Variants in ACACB observed in about 807,000 individuals in gnomAD.
ACACB encodes acetyl-CoA carboxylase beta.
ACACB carries 209 observed loss-of-function variants against 278.8 expected under a neutral mutation model. That is an observed-to-expected ratio of 0.75 (90% CI 0.67 to 0.84). The LOEUF (loss-of-function observed/expected upper bound fraction) is 0.84. ACACB is among the 40% of genes least tolerant of loss of function. The pLI is 0.00. For missense variants in ACACB, 2,850 were observed against 3,269.0 expected (o/e 0.87, Z 3.13); for synonymous variants, 1,174 against 1,285.6 (o/e 0.91, Z 1.86).
At chr12:109,179,426 TC>T in intron 10 of ACACB, 129 bp downstream of exon 10, 1 of 913,984 alleles carries the variant, frequency 1.1e-6, no homozygotes, top group Non-Finnish European at 1.7e-6. Context: ...GAGGGCCCAT[TC>T]CAGAGGTGAT....
chr12:109,244,461 G>A (rs2046886472), intron 37 of ACACB, among the ~76,000 whole-genome samples: 1 of 152,202 alleles, frequency 6.6e-6, no homozygotes, highest in Non-Finnish European at 1.5e-5. Flanking sequence ...CGCTTAATAA[G>A]TGGAAACTTA....
At chr12:109,152,713 T>C (rs540402362) in intron 2 of ACACB, among the ~76,000 whole-genome samples, 33 of 141,266 alleles carry the variant, frequency 2.3e-4, no homozygotes, top group Non-Finnish European at 4.4e-4. Flanking sequence ...AGCGAGATCA[T>C]GGCTCACTGC....
chr12:109,212,387 T>G (rs2045874550), intron 21 of ACACB, among the ~76,000 whole-genome samples: 1 of 152,148 alleles, frequency 6.6e-6, no homozygotes, highest in Non-Finnish European at 1.5e-5. Context: ...GATTACATTG[T>G]AATATATAAT....
intron 16 of ACACB, 53 bp downstream of exon 16, chr12:109,193,782 A>T: frequency 1.3e-6 from 2 of 1,499,478 alleles, no homozygotes; most frequent in Non-Finnish European, 9.3e-7. Flanking sequence ...AGCTTCAGGG[A>T]GTTTCTTTCT....
chr12:109,176,057 T>C lies in ACACB; in HGVS notation c.1326+17T>C, dbSNP rs754910368. The C allele has an allele frequency of 2.3e-5, 37 of 1,613,498 alleles. No homozygotes were observed. Among genetic ancestry groups the C allele is most frequent in the Non-Finnish European group, 3.0e-5 (35 of 1,179,520 alleles). On this transcript the variant is annotated intron_variant, in intron 8 of 52. Transcript: ENST00000338432. ...GGCTTGGAGGTAAATGCAGAGCCTG[T>C]GGGGGCCAGGGGAGCCAGAACCGAA...
At chr12:109,210,098 T>TATATATACACAC (rs1368464864) in intron 21 of ACACB, among the ~76,000 whole-genome samples, 10 of 107,540 alleles carry the variant, frequency 9.3e-5, no homozygotes, top group African/African-American at 4.5e-4. Context: ...TACACACATG[T>TATATATACACAC]GTGTGTATAT....
chr12:109,234,935 GA>G (rs71443847), intron 31 of ACACB, among the ~76,000 whole-genome samples: 66 of 150,918 alleles, frequency 4.4e-4, no homozygotes, highest in African/African-American at 1.5e-3. Context: ...GAAGAAATAA[GA>G]AAAAAAGTGT....
At chr12:109,186,517 G>C (rs2044668085) in intron 12 of ACACB, among the ~76,000 whole-genome samples, 1 of 152,130 alleles carries the variant, frequency 6.6e-6, no homozygotes, top group African/African-American at 2.4e-5. Flanking sequence ...GCTCATTGTA[G>C]AGAGTCCCTT....
Position 109,197,119 on chromosome 12 carries a change from A to G in ACACB, c.2593A>G (p.Ser865Gly), listed in dbSNP as rs1441879635. ...GGLLLSYNGN[S>G]YTTYMKEEVD... The stretch of plus-strand genomic sequence containing the variant: ...GCTCCTGCTCTCCTACAATGGGAAC[A>G]GCTACACCACCTACATGAAGGAAGA... Residue 865 changes from serine (S) to glycine (G), a missense_variant, in exon 17 of 53, where the codon AGC (serine) becomes GGC (glycine). By Grantham distance (56) the Ser-to-Gly change is moderately conservative (BLOSUM62 0). Around this residue, in one of 3 missense-constraint regions of ACACB, gnomAD observed 2,265 missense variants for 2,561.3 expected, o/e 0.88. Transcript: ENST00000338432. The G allele has an allele frequency of 6.2e-7, 1 of 1,605,182 alleles. No homozygotes were observed. Among genetic ancestry groups the G allele is most frequent in the African/African-American group, 1.3e-5 (1 of 74,368 alleles).
At chr12:109,142,177 A>G (rs564557461) in intron 2 of ACACB, among the ~76,000 whole-genome samples, 43 of 152,270 alleles carry the variant, frequency 2.8e-4, no homozygotes, top group African/African-American at 9.9e-4. Flanking sequence ...TGAGCCCAGA[A>G]GTTTGTGGTT....
chr12:109,174,098 G>T, intron 6 of ACACB, 34 bp from the exon 7 acceptor site: 1 of 1,577,216 alleles, frequency 6.3e-7, no homozygotes, highest in South Asian at 1.2e-5. Flanking sequence ...TGACTGACCG[G>T]ATTCTGCTTC....
chr12:109,246,527 A>G, intron 39 of ACACB, 79 bp downstream of exon 39: 1 of 1,534,366 alleles, frequency 6.5e-7, no homozygotes, highest in Non-Finnish European at 8.8e-7. Context: ...AGCACCTGCA[A>G]GAGGTGAAAA....
intron 2 of ACACB, among the ~76,000 whole-genome samples, chr12:109,155,817 T>C (rs963798048): frequency 6.6e-6 from 1 of 152,138 alleles, no homozygotes; most frequent in Non-Finnish European, 1.5e-5. Flanking sequence ...GAAAATTACA[T>C]GAAATTCAAA....
chr12:109,234,573 T>C (rs535040627), intron 31 of ACACB, among the ~76,000 whole-genome samples: 1 of 152,218 alleles, frequency 6.6e-6, no homozygotes, highest in South Asian at 2.1e-4. Context: ...GAGACATCAT[T>C]GACATACTAC....
Position 109,139,487 on chromosome 12 carries a change from G to T in ACACB, c.82G>T (p.Asp28Tyr). 6.2e-7 allele frequency: 1 copy of T among 1,614,094 alleles called. No homozygotes were observed. Among genetic ancestry groups the T allele is most frequent in the Non-Finnish European group, 8.5e-7 (1 of 1,180,018 alleles). Reference protein sequence around the residue: ...SWLKIWGKMTDSKPITKSKSE... With the variant: ...SWLKIWGKMTYSKPITKSKSE... ...GTTAAAAATCTGGGGGAAAATGACGGACTCCAAGCCGATCACCAAGAGTAA... is the reference window on the plus strand; with the variant it reads ...GTTAAAAATCTGGGGGAAAATGACGTACTCCAAGCCGATCACCAAGAGTAA... The change falls in exon 2 of 53, where the codon GAC (aspartate) becomes TAC (tyrosine). Residue 28 changes from aspartate (D) to tyrosine (Y), a missense_variant. By Grantham distance (160) the Asp-to-Tyr change is radical. Around this residue, in one of 3 missense-constraint regions of ACACB, gnomAD observed 2,265 missense variants for 2,561.3 expected, o/e 0.88. Coordinates refer to ENST00000338432, the MANE Select transcript of ACACB (RefSeq NM_001093.4).
intron 44 of ACACB, 32 bp downstream of exon 44, chr12:109,254,366 G>C (rs773798551): frequency 3.8e-6 from 6 of 1,579,102 alleles, no homozygotes; most frequent in East Asian, 2.3e-5. Flanking sequence ...CTAGGACCTG[G>C]TCTCGGGTTT....
chr12:109,211,211 A>G (rs2045837289), intron 21 of ACACB, among the ~76,000 whole-genome samples: 1 of 152,052 alleles, frequency 6.6e-6, no homozygotes, highest in Admixed American at 6.6e-5. Context: ...CTCGGAGGTT[A>G]GGAGTTCTAT....
intron 24 of ACACB, among the ~76,000 whole-genome samples, chr12:109,217,453 G>C (rs1238044137): frequency 1.3e-5 from 2 of 152,080 alleles, no homozygotes; most frequent in Non-Finnish European, 2.9e-5. Flanking sequence ...GATCACTTGA[G>C]CCTAGGAGTT....
chr12:109,232,269 A>T (rs1284833944), intron 28 of ACACB, among the ~76,000 whole-genome samples: 1 of 152,216 alleles, frequency 6.6e-6, no homozygotes, highest in Non-Finnish European at 1.5e-5. Flanking sequence ...CAGGGAGCAG[A>T]GGACTGGAGT....
Sources: gnomAD v4.1 joint callset for allele counts (sites outside exome capture counted in the v4.1 genomes callset) on GRCh38, gnomAD v4.1.1 for gene constraint, gnomAD v4.1.1 regional missense constraint, MANE v1.5 for transcripts, NCBI Gene and HGNC (gene_info 2026-07-23, HGNC 2026-07-21) for gene names.